The following DOCK4 variants were observed in gnomAD, a reference collection of about 807,000 sequenced individuals.
The protein encoded by DOCK4 is dedicator of cytokinesis protein 4.
In DOCK4, 97 loss-of-function variants were observed where a neutral mutation model predicts 268.1. The ratio of observed to expected loss-of-function variants is 0.36; its 90% CI spans 0.31 to 0.43. DOCK4 has a LOEUF of 0.43. Ranked by LOEUF, DOCK4 falls within the 20% of genes least tolerant of loss-of-function variation. The pLI is 1.00. For synonymous variants in DOCK4, 954 were observed against 887.2 expected (o/e 1.08, Z -1.34); for missense variants, 2,145 against 2,455.7 (o/e 0.87, Z 2.67).
At chr7:111,894,020 G>A (rs1008277047) in intron 16 of DOCK4, among the ~76,000 whole-genome samples, 1 of 152,146 alleles carries the variant, frequency 6.6e-6, no homozygotes, top group Non-Finnish European at 1.5e-5. Context: ...TCAGGAGATA[G>A]AGACCATCCT....
At position 111,739,150 on chromosome 7, in the gene DOCK4, G is replaced by A; in HGVS notation, c.5216C>T (p.Pro1739Leu). The A allele has an allele frequency of 6.2e-7, 1 of 1,613,742 alleles. No homozygotes were observed. Among genetic ancestry groups the A allele is most frequent in the Non-Finnish European group, 8.5e-7 (1 of 1,179,666 alleles). Residue 1739 changes from proline to leucine, a missense_variant, in exon 49 of 53, where the codon CCT becomes CTT. Around this residue, in one of 2 missense-constraint regions of DOCK4, gnomAD observed 547 missense variants for 469.0 expected, o/e 1.17. Coordinates refer to ENST00000428084, the MANE Select transcript of DOCK4 (RefSeq NM_001363540.2). ...AAGGAGTACCTGCGAAGGCTCCACA[G>A]GTGTTGGATAGATGGCACTGCATGG... ...ERPCSAIYPT[P>L]VEPSQRMLFN... is the part of the protein sequence containing the mutation.
At chr7:111,752,578 GTTT>G (rs56037303) in intron 42 of DOCK4, among the ~76,000 whole-genome samples, 2,437 of 81,934 alleles carry the variant, frequency 0.03, 11 homozygotes, top group Middle Eastern at 0.041. Context: ...ATCAGCTTAG[GTTT>G]TTTTTTTTTT....
chr7:112,114,087 C>T (rs1184203683), intron 1 of DOCK4, among the ~76,000 whole-genome samples: 1 of 152,072 alleles, frequency 6.6e-6, no homozygotes, highest in Non-Finnish European at 1.5e-5. Flanking sequence ...TTCCAACCAT[C>T]CCCAATGCAG....
At chr7:112,195,312 A>AG in intron 1 of DOCK4, among the ~76,000 whole-genome samples, 1 of 152,330 alleles carries the variant, frequency 6.6e-6, no homozygotes, top group South Asian at 2.1e-4. Context: ...AAACTGGAGA[A>AG]GGGGCAAACC....
chr7:111,930,161 T>A (rs1295100707), intron 12 of DOCK4, among the ~76,000 whole-genome samples: 2 of 152,200 alleles, frequency 1.3e-5, no homozygotes, highest in East Asian at 3.8e-4. Flanking sequence ...ACAGCACAAC[T>A]TTGGAGATTT....
At chr7:111,833,786 T>C (rs1249449921) in intron 26 of DOCK4, among the ~76,000 whole-genome samples, 1 of 152,206 alleles carries the variant, frequency 6.6e-6, no homozygotes, top group African/African-American at 2.4e-5. Context: ...TTTCTTCCCC[T>C]AAGGCACTGG....
intron 13 of DOCK4, 39 bp downstream of exon 13, chr7:111,915,740 C>T (rs746370143): frequency 3.7e-6 from 6 of 1,603,328 alleles, no homozygotes; most frequent in Middle Eastern, 1.7e-4. Context: ...AGATAGTATA[C>T]CCATATTTCA....
At chr7:112,123,765 G>A (rs1265546861) in intron 1 of DOCK4, among the ~76,000 whole-genome samples, 1 of 152,054 alleles carries the variant, frequency 6.6e-6, no homozygotes, top group Non-Finnish European at 1.5e-5. Flanking sequence ...TATAACTCAA[G>A]GCAGGCAAAT....
intron 27 of DOCK4, among the ~76,000 whole-genome samples, chr7:111,815,648 C>T: frequency 7.3e-6 from 1 of 136,806 alleles, no homozygotes; most frequent in African/African-American, 2.7e-5. Flanking sequence ...CCCCTCCCCT[C>T]CCCTCCCCTC....
intron 27 of DOCK4, among the ~76,000 whole-genome samples, chr7:111,816,354 G>A (rs1033357993): frequency 6.6e-6 from 1 of 152,168 alleles, no homozygotes; most frequent in African/African-American, 2.4e-5. Context: ...CAACCTGGTG[G>A]ATTAATTGGG....
chr7:111,741,919 C>A (rs1409340351), intron 45 of DOCK4, 94 bp downstream of exon 45: 1 of 1,465,120 alleles, frequency 6.8e-7, no homozygotes, highest in Non-Finnish European at 9.1e-7. Flanking sequence ...GGTAGAAAAA[C>A]CACAAGATGT....
At chr7:111,787,810 T>C (rs751678579) in intron 32 of DOCK4, among the ~76,000 whole-genome samples, 1 of 152,248 alleles carries the variant, frequency 6.6e-6, no homozygotes, top group Non-Finnish European at 1.5e-5. Context: ...ATTTTGCACT[T>C]CTGAAAGAAC....
At chr7:111,736,636 G>C (rs1278798427) in intron 50 of DOCK4, among the ~76,000 whole-genome samples, 1 of 152,186 alleles carries the variant, frequency 6.6e-6, no homozygotes, top group Non-Finnish European at 1.5e-5. Flanking sequence ...GCTTCAGGAA[G>C]AGGAGGCATT....
intron 17 of DOCK4, among the ~76,000 whole-genome samples, chr7:111,875,655 C>G (rs763213574): frequency 3.3e-5 from 5 of 152,218 alleles, no homozygotes; most frequent in African/African-American, 4.8e-5. Context: ...AGATGCTATG[C>G]TTCTGACTTT....
At chr7:112,189,368 A>C (rs945494309) in intron 1 of DOCK4, among the ~76,000 whole-genome samples, 13 of 152,286 alleles carry the variant, frequency 8.5e-5, no homozygotes, top group Admixed American at 8.5e-4. Context: ...AACTTGCAGG[A>C]AGCAGTAAAA....
intron 30 of DOCK4, among the ~76,000 whole-genome samples, chr7:111,797,083 C>T (rs1260200203): frequency 1.3e-5 from 2 of 152,170 alleles, no homozygotes; most frequent in African/African-American, 4.8e-5. Flanking sequence ...CTTCAGTTTA[C>T]ACCCCTCTGA....
intron 47 of DOCK4, among the ~76,000 whole-genome samples, chr7:111,740,398 G>A (rs905547471): frequency 2.0e-5 from 3 of 149,600 alleles, no homozygotes; most frequent in Non-Finnish European, 3.0e-5. Context: ...ACTGCACCTA[G>A]CCAAATCATG....
At chr7:112,014,797 C>T (rs1801669540) in intron 1 of DOCK4, among the ~76,000 whole-genome samples, 1 of 151,958 alleles carries the variant, frequency 6.6e-6, no homozygotes, top group South Asian at 2.1e-4. Context: ...CCTGGCTATT[C>T]AAGAGGTTGA....
At chr7:112,075,995 CA>C (rs1239715799) in intron 1 of DOCK4, among the ~76,000 whole-genome samples, 1 of 151,982 alleles carries the variant, frequency 6.6e-6, no homozygotes, top group African/African-American at 2.4e-5. Context: ...ATTAGTTTGT[CA>C]AAAAGAAGTG....
Sources: gnomAD v4.1 joint callset for allele counts (sites outside exome capture counted in the v4.1 genomes callset) on GRCh38, gnomAD v4.1.1 for gene constraint, gnomAD v4.1.1 regional missense constraint, MANE v1.5 for transcripts, NCBI Gene and HGNC (gene_info 2026-07-23, HGNC 2026-07-21) for gene names.